FMNL1: variants seen among roughly 807,000 people sequenced by gnomAD.
FMNL1 encodes the protein formin-like protein 1.
A neutral mutation model predicts 121.3 loss-of-function variants in FMNL1; 43 were observed. The ratio of observed to expected loss-of-function variants is 0.35; its 90% CI spans 0.28 to 0.46. FMNL1 has a LOEUF of 0.46. FMNL1 is among the 20% of genes least tolerant of loss of function. FMNL1 has a pLI of 1.00. For synonymous variants in FMNL1, 613 were observed against 613.5 expected (o/e 1.00, Z 0.01); for missense variants, 1,191 against 1,482.4 (o/e 0.80, Z 3.23).
intron 16 of FMNL1, 35 bp from the exon 17 acceptor site, chr17:45,243,083 C>T: frequency 6.2e-7 from 1 of 1,610,340 alleles, no homozygotes; most frequent in East Asian, 2.2e-5. Context: ...GACCCCAGCC[C>T]CACCCAGCTC....
At position 45,237,304 on chromosome 17, in the gene FMNL1, C is replaced by T; in HGVS notation, c.747C>T (p.Asn249=). 6.2e-7 allele frequency: 1 copy of T among 1,614,216 alleles called. No homozygotes were observed. Among genetic ancestry groups the T allele is most frequent in the Non-Finnish European group, 8.5e-7 (1 of 1,180,028 alleles). The stretch of plus-strand genomic sequence containing the variant: ...AGTCTGGCTTCAGCCTTGTCATGAA[C>T]CACCCAGCCTGTGTCAATGAGATTG... ...NYQSGFSLVM[N]HPACVNEIAL... Residue 249 remains asparagine, a synonymous_variant, in exon 8 of 27, where the codon AAC becomes AAT. Coordinates refer to ENST00000331495, the MANE Select transcript of FMNL1 (RefSeq NM_005892.4). This position sits in a 1 kb window ranked among gnomAD's most constrained non-coding sequence, Gnocchi z 4.4.
intron 3 of FMNL1, chr17:45,232,941 C>T (rs979059637): frequency 2.8e-5 from 16 of 566,664 alleles, no homozygotes; most frequent in African/African-American, 9.3e-5. Context: ...TGTGTGTGTG[C>T]GCACACACAC....
Position 45,244,996 on chromosome 17 carries a change from G to A in FMNL1, c.2616G>A (p.Ser872=), listed in dbSNP as rs766134032. The A allele has an allele frequency of 8.1e-6, 13 of 1,613,594 alleles. No individual in the cohort carries two copies. The highest frequency in any genetic ancestry group is 2.2e-5 in the East Asian group (1 of 44,874). ...QSLDALLEMK[S]TDRKQTLLHY... ...TTGTGCAGCTGTTGGAGATGAAGTC[G>A]ACTGATCGCAAGCAGACGCTGCTGC... The change falls in exon 21 of 27, where the codon TCG becomes TCA. Residue 872 remains serine, a synonymous_variant. Transcript: ENST00000331495.
In FMNL1 at chr17:45,233,615, C is replaced by G; in HGVS notation, c.402-33C>G. ...GCCCATGTGGGGCAGGACCTCCTTTCTGGCTGGAGCTCAGGGAGCCCTGTG... is the reference window on the plus strand; with the variant it reads ...GCCCATGTGGGGCAGGACCTCCTTTGTGGCTGGAGCTCAGGGAGCCCTGTG... On this transcript the variant is annotated intron_variant, in intron 4 of 26. Coordinates refer to ENST00000331495, the MANE Select transcript of FMNL1 (RefSeq NM_005892.4). The surrounding 1 kb of genome is among the most constrained non-coding windows in gnomAD (Gnocchi z 4.1). 6.2e-7 allele frequency: 1 copy of G among 1,613,272 alleles called. No individual in the cohort carries two copies. The highest frequency in any genetic ancestry group is 8.5e-7 in the Non-Finnish European group (1 of 1,179,512).
At chr17:45,230,463 C>T (rs2043415710) in intron 1 of FMNL1, 141 bp from the exon 2 acceptor site, 2 of 668,164 alleles carry the variant, frequency 3.0e-6, no homozygotes, top group Non-Finnish European at 5.3e-6. Flanking sequence ...TTGGATAACA[C>T]TACGTATCTC....
At chr17:45,239,887 C>T (rs1339871114) in intron 11 of FMNL1, among the ~76,000 whole-genome samples, 1 of 151,934 alleles carries the variant, frequency 6.6e-6, no homozygotes, top group East Asian at 1.9e-4. Flanking sequence ...CCTCTGCCTC[C>T]CGGGTTCAAG....
Position 45,233,568 on chromosome 17 carries a change from G to A in FMNL1, c.402-80G>A, listed in dbSNP as rs1240834658. 1.3e-6 allele frequency: 2 copies of A among 1,538,682 alleles called. No individual in the cohort carries two copies. Among genetic ancestry groups the A allele is most frequent in the Non-Finnish European group, 1.8e-6 (2 of 1,118,084 alleles). ...TGGGGGTTGAAAGGGCACCCCAGGG[G>A]TCCTTGCTGTCCCTGTTCTGTGCCC... On this transcript the variant is annotated intron_variant, in intron 4 of 26. Transcript: ENST00000331495. This position sits in a 1 kb window ranked among gnomAD's most constrained non-coding sequence, Gnocchi z 4.1.
intron 1 of FMNL1, among the ~76,000 whole-genome samples, chr17:45,229,894 G>A (rs892811114): frequency 1.3e-5 from 2 of 152,136 alleles, no homozygotes; most frequent in African/African-American, 4.8e-5. Context: ...CAGTGCTGTG[G>A]CCGAGTGACC....
At position 45,222,207 on chromosome 17, in the gene FMNL1, C is replaced by T. The variant is rs149811878; in HGVS notation, c.83C>T (p.Pro28Leu). The T allele has an allele frequency of 6.3e-4, 796 of 1,258,354 alleles. 2 individuals are homozygous for T. Among genetic ancestry groups the T allele is most frequent in the Non-Finnish European group, 7.4e-4 (735 of 996,578 alleles). The allele number at this position is 1,258,354 out of a possible 1,614,324, so 77.9% of individuals were successfully genotyped here. The change falls in exon 1 of 27, where the codon CCG (proline) becomes CTG (leucine). Residue 28 changes from proline to leucine, a missense_variant. Pro to Leu is a moderately conservative substitution (Grantham distance 98, BLOSUM62 -3). Transcript: ENST00000331495. ...PPKQPAPPKQ[P>L]MPAAGELEER... ...AAGCAGCCCGCGCCTCCCAAGCAGCCGATGCCCGCGGCCGGAGAGCTGGAG... is the reference window on the plus strand; with the variant it reads ...AAGCAGCCCGCGCCTCCCAAGCAGCTGATGCCCGCGGCCGGAGAGCTGGAG...
Position 45,241,952 on chromosome 17 carries a change from A to G in FMNL1, c.1691A>G (p.Gln564Arg). ...PQEAPPSAPP[Q>R]APPLPGSPEP... ...GAAGCCCCGCCCTCTGCGCCCCCAC[A>G]GGCCCCGCCTCTCCCTGGCAGCCCG... The change falls in exon 15 of 27, where the codon CAG becomes CGG. Residue 564 changes from glutamine to arginine, a missense_variant. By Grantham distance (43) the Gln-to-Arg change is conservative. Transcript: ENST00000331495. The surrounding 1 kb of genome is among the most constrained non-coding windows in gnomAD (Gnocchi z 7.0). 7.7e-7 allele frequency: 1 copy of G among 1,303,580 alleles called. No individual in the cohort carries two copies. Among genetic ancestry groups the G allele is most frequent in the South Asian group, 1.9e-5 (1 of 52,500 alleles). 80.8% of individuals were successfully genotyped at this position (1,303,580 alleles called of 1,614,324 possible). A position where few individuals can be genotyped will look rare whatever the true frequency, so the allele number is the denominator to read the frequency against.
At position 45,241,410 on chromosome 17, in the gene FMNL1, GGC is replaced by G. The variant is rs757233214; in HGVS notation, c.1362_1363del (p.Pro455LeufsTer8). 3.8e-6 allele frequency: 6 copies of G among 1,563,924 alleles called. No homozygotes were observed. Among genetic ancestry groups the G allele is most frequent in the Non-Finnish European group, 5.2e-6 (6 of 1,155,066 alleles). ...CGCTTCAGCGAATCGACCGCCATGG[GGC>G]CCTCCAGGCGTCCCCCAGAGCCTGA... On this transcript the variant is annotated frameshift_variant, in exon 14 of 27. Coordinates refer to ENST00000331495, the MANE Select transcript of FMNL1 (RefSeq NM_005892.4). LOFTEE classifies it high-confidence loss of function. This position sits in a 1 kb window ranked among gnomAD's most constrained non-coding sequence, Gnocchi z 7.0.
At position 45,241,812 on chromosome 17, in the gene FMNL1, C is replaced by A; in HGVS notation, c.1586-35C>A. 7.1e-7 allele frequency: 1 copy of A among 1,403,144 alleles called. No homozygotes were observed. Among genetic ancestry groups the A allele is most frequent in the Non-Finnish European group, 9.2e-7 (1 of 1,085,956 alleles). The allele number at this position is 1,403,144 out of a possible 1,614,324, so 86.9% of individuals were successfully genotyped here. The stretch of plus-strand genomic sequence containing the variant: ...GCCCACCCAAGTCAAGGAGCTGACT[C>A]GCGCCTCCCCCACGCCGCGCCCTCG... On this transcript the variant is annotated intron_variant, in intron 14 of 26. Coordinates refer to ENST00000331495, the MANE Select transcript of FMNL1 (RefSeq NM_005892.4). The surrounding 1 kb of genome is among the most constrained non-coding windows in gnomAD (Gnocchi z 7.0).
At chr17:45,244,341 T>G in intron 19 of FMNL1, 97 bp downstream of exon 19, 4 of 1,371,596 alleles carry the variant, frequency 2.9e-6, no homozygotes, top group Non-Finnish European at 4.0e-6. Flanking sequence ...AAAGATAACA[T>G]TCCCACTTCT....
intron 18 of FMNL1, 45 bp downstream of exon 18, chr17:45,244,070 G>A (rs1214077722): frequency 1.9e-6 from 3 of 1,599,178 alleles, no homozygotes; most frequent in Non-Finnish European, 2.6e-6. Flanking sequence ...GAGGGGATGG[G>A]CAGGAGGCAA....
intron 11 of FMNL1, among the ~76,000 whole-genome samples, chr17:45,239,602 C>G (rs1310789543): frequency 6.6e-6 from 1 of 152,014 alleles, no homozygotes; most frequent in African/African-American, 2.4e-5. Flanking sequence ...CCTGGAGGAG[C>G]GGGGCTTTCG....
In FMNL1 at chr17:45,241,244, G is replaced by A; in HGVS notation, c.1332+14G>A. On this transcript the variant is annotated intron_variant, in intron 13 of 26. Coordinates refer to ENST00000331495, the MANE Select transcript of FMNL1 (RefSeq NM_005892.4). This position sits in a 1 kb window ranked among gnomAD's most constrained non-coding sequence, Gnocchi z 7.0. ...GAGACCCTGCGGGTGAGGCTGGGGCGGGTGGTAGGCCAGGCGCCCAAGAAC... is the reference window on the plus strand; with the variant it reads ...GAGACCCTGCGGGTGAGGCTGGGGCAGGTGGTAGGCCAGGCGCCCAAGAAC... The A allele has an allele frequency of 6.2e-7, 1 of 1,613,910 alleles. No individual in the cohort carries two copies. Among genetic ancestry groups the A allele is most frequent in the Non-Finnish European group, 8.5e-7 (1 of 1,179,956 alleles).
At position 45,245,244 on chromosome 17, in the gene FMNL1, C is replaced by G; in HGVS notation, c.2729-9C>G. The stretch of plus-strand genomic sequence containing the variant: ...TCACTGACCTGATACTGCCCCATCC[C>G]TGGCCCAGTGTCCCTGGACAGTGTC... On this transcript the variant is annotated splice_polypyrimidine_tract_variant and intron_variant, in intron 21 of 26. Transcript: ENST00000331495. The G allele has an allele frequency of 6.2e-7, 1 of 1,614,186 alleles. No homozygotes were observed. Among genetic ancestry groups the G allele is most frequent in the Non-Finnish European group, 8.5e-7 (1 of 1,180,026 alleles).
chr17:45,237,299 A>T lies in FMNL1; in HGVS notation c.742A>T (p.Met248Leu). The stretch of plus-strand genomic sequence containing the variant: ...TCCCCAGTCTGGCTTCAGCCTTGTC[A>T]TGAACCACCCAGCCTGTGTCAATGA... ...MNYQSGFSLV[M>L]NHPACVNEIA... The change falls in exon 8 of 27, where the codon ATG becomes TTG. Residue 248 changes from methionine (M) to leucine (L), a missense_variant. Physicochemically the swap from Met to Leu is conservative, Grantham distance 15. Coordinates refer to ENST00000331495, the MANE Select transcript of FMNL1 (RefSeq NM_005892.4). The surrounding 1 kb of genome is among the most constrained non-coding windows in gnomAD (Gnocchi z 4.4). The T allele has an allele frequency of 6.2e-7, 1 of 1,614,162 alleles. No homozygotes were observed. The highest frequency in any genetic ancestry group is 8.5e-7 in the Non-Finnish European group (1 of 1,180,020).
Position 45,243,825 on chromosome 17 carries a change from G to A in FMNL1, c.2248G>A (p.Glu750Lys). Residue 750 changes from glutamate (E) to lysine (K), a missense_variant, in exon 18 of 27, where the codon GAG (glutamate) becomes AAG (lysine). Transcript: ENST00000331495. ...DLQALGLDFL[E>K]LLMRFLPTEY... Reference sequence around the variant, plus strand: ...GCAGGCTCTGGGCCTGGACTTCCTGGAGCTGCTGATGCGCTTCCTGCCCAC... The same window carrying A: ...GCAGGCTCTGGGCCTGGACTTCCTGAAGCTGCTGATGCGCTTCCTGCCCAC... The A allele has an allele frequency of 6.2e-7, 1 of 1,613,076 alleles. No individual in the cohort carries two copies. Among genetic ancestry groups the A allele is most frequent in the Non-Finnish European group, 8.5e-7 (1 of 1,179,414 alleles).
Sources: gnomAD v4.1 joint callset for allele counts (sites outside exome capture counted in the v4.1 genomes callset) on GRCh38, gnomAD v4.1.1 for gene constraint, Gnocchi (gnomAD v3.1) non-coding constraint, MANE v1.5 for transcripts, NCBI Gene and HGNC (gene_info 2026-07-23, HGNC 2026-07-21) for gene names.